GRK3: variants seen among roughly 807,000 people sequenced by gnomAD.
GRK3 encodes adrenergic, beta, receptor kinase 2.
GRK3 carries 54 observed loss-of-function variants against 95.7 expected under a neutral mutation model. The ratio of observed to expected loss-of-function variants is 0.56; its 90% CI spans 0.45 to 0.71. The LOEUF (loss-of-function observed/expected upper bound fraction) is 0.71. Among genes scored for constraint, GRK3 ranks in the 30% least tolerant of loss-of-function variants. GRK3 has a pLI of 0.00. For missense variants in GRK3, 649 were observed against 851.2 expected (o/e 0.76, Z 2.96); for synonymous variants, 281 against 290.8 (o/e 0.97, Z 0.34).
chr22:25,709,462 G>A (rs748435039), intron 15 of GRK3, among the ~76,000 whole-genome samples: 2 of 152,166 alleles, frequency 1.3e-5, no homozygotes, highest in Admixed American at 6.5e-5. Flanking sequence ...GAGTAAATGT[G>A]GTGCTTCACA....
chr22:25,657,014 G>A (rs911647574), intron 3 of GRK3, among the ~76,000 whole-genome samples: 1 of 152,174 alleles, frequency 6.6e-6, no homozygotes, highest in African/African-American at 2.4e-5. Context: ...GGCATGTTTG[G>A]GGAACTGAAA....
intron 2 of GRK3, among the ~76,000 whole-genome samples, chr22:25,610,346 A>T (rs1401323545): frequency 6.6e-6 from 1 of 152,144 alleles, no homozygotes; most frequent in East Asian, 1.9e-4. Flanking sequence ...GCATACCTGT[A>T]GTCCCAGCTA....
intron 1 of GRK3, among the ~76,000 whole-genome samples, chr22:25,570,047 T>G (rs1442252521): frequency 6.6e-6 from 1 of 152,218 alleles, no homozygotes; most frequent in East Asian, 1.9e-4. Context: ...CCCTCGCGTC[T>G]TATTTTGCAA....
chr22:25,720,314 T>G (rs2085421143), intron 19 of GRK3, among the ~76,000 whole-genome samples: 1 of 152,164 alleles, frequency 6.6e-6, no homozygotes, highest in Admixed American at 6.5e-5. Context: ...TGAGCAGATT[T>G]GTAAGTCTAA....
At position 25,729,200 on chromosome 22, in the gene GRK3, C is replaced by T. The variant is rs1210722093; in HGVS notation, c.*6750C>T. On this transcript the variant is annotated 3_prime_UTR_variant, in exon 21 of 21. Coordinates refer to ENST00000324198, the MANE Select transcript of GRK3 (RefSeq NM_005160.4). ...TGTGTGGGGCACACCACCGTCAGCA[C>T]CACCGTTTTTACAGTTACTTTGGAG... The T allele has an allele frequency of 6.6e-6, 1 of 152,228 alleles. No individual in the cohort carries two copies. Among genetic ancestry groups the T allele is most frequent in the Non-Finnish European group, 1.5e-5 (1 of 68,056 alleles). The allele number at this position is 152,228 out of a possible 1,614,324, so 9.4% of individuals were successfully genotyped here.
At chr22:25,696,177 G>T (rs2085207311) in intron 13 of GRK3, among the ~76,000 whole-genome samples, 1 of 151,830 alleles carries the variant, frequency 6.6e-6, no homozygotes, top group Admixed American at 6.6e-5. Context: ...GTGAGGTCTT[G>T]CCATGTTGCC....
At chr22:25,598,833 C>T (rs188315826) in intron 1 of GRK3, among the ~76,000 whole-genome samples, 6 of 152,064 alleles carry the variant, frequency 3.9e-5, no homozygotes, top group African/African-American at 1.4e-4. Context: ...CTGTTGTCAT[C>T]AACATGGTGC....
chr22:25,599,306 A>C (rs2071022494), intron 1 of GRK3, among the ~76,000 whole-genome samples: 1 of 152,184 alleles, frequency 6.6e-6, no homozygotes, highest in South Asian at 2.1e-4. Context: ...TGAAAATCAC[A>C]TATATGCCAG....
chr22:25,662,249 A>G (rs1296999450), intron 4 of GRK3, among the ~76,000 whole-genome samples: 3 of 152,256 alleles, frequency 2.0e-5, no homozygotes, highest in African/African-American at 4.8e-5. Context: ...TAATATCTCT[A>G]TATTAGGAAT....
At chr22:25,640,751 A>G (rs2084736940) in intron 2 of GRK3, among the ~76,000 whole-genome samples, 1 of 152,188 alleles carries the variant, frequency 6.6e-6, no homozygotes, top group Admixed American at 6.5e-5. Flanking sequence ...TTGAAAAATT[A>G]TCGTGATGGC....
At position 25,704,328 on chromosome 22, in the gene GRK3, G is replaced by GA. The variant is rs67945810; in HGVS notation, c.1328+126dup. 1.3e-5 allele frequency: 9 copies of GA among 681,008 alleles called. No homozygotes were observed. The African/African-American group carries it at 1.7e-4, about 13-fold the overall frequency. The allele number at this position is 681,008 out of a possible 1,614,324, so 42.2% of individuals were successfully genotyped here. Reference sequence around the variant, plus strand: ...AATCTTCCATTTTGACTTGAAAGGGGAAAAAAATAAATCACATGGGAAATA... The same window carrying GA: ...AATCTTCCATTTTGACTTGAAAGGGGAAAAAAAATAAATCACATGGGAAATA... On this transcript the variant is annotated intron_variant, in intron 15 of 20. Transcript: ENST00000324198.
Position 25,728,569 on chromosome 22 carries a change from A to G in GRK3, c.*6119A>G, listed in dbSNP as rs373907375. The G allele has an allele frequency of 6.6e-5, 10 of 152,334 alleles. No individual in the cohort carries two copies. The highest frequency in any genetic ancestry group is 2.4e-4 in the African/African-American group (10 of 41,574). The allele number at this position is 152,334 out of a possible 1,614,324, so 9.4% of individuals were successfully genotyped here. A position where few individuals can be genotyped will look rare whatever the true frequency, so the allele number is the denominator to read the frequency against. ...CCCCTTATTGTGCCAAATCCCCACCATCAGCCTTGCCATTGCCTTAAGATT... is the reference window on the plus strand; with the variant it reads ...CCCCTTATTGTGCCAAATCCCCACCGTCAGCCTTGCCATTGCCTTAAGATT... On this transcript the variant is annotated 3_prime_UTR_variant, in exon 21 of 21. Coordinates refer to ENST00000324198, the MANE Select transcript of GRK3 (RefSeq NM_005160.4).
At chr22:25,698,497 C>T (rs558793525) in intron 13 of GRK3, among the ~76,000 whole-genome samples, 12 of 152,134 alleles carry the variant, frequency 7.9e-5, no homozygotes, top group African/African-American at 2.7e-4. Context: ...GATGGTCTGT[C>T]GGGTAGGCTT....
chr22:25,656,653 A>G (rs1389048402), intron 3 of GRK3, among the ~76,000 whole-genome samples: 1 of 152,152 alleles, frequency 6.6e-6, no homozygotes, highest in Non-Finnish European at 1.5e-5. Flanking sequence ...TTAAACACCA[A>G]CATTATGCCA....
chr22:25,573,414 G>A (rs756026761), intron 1 of GRK3, among the ~76,000 whole-genome samples: 1 of 152,122 alleles, frequency 6.6e-6, no homozygotes, highest in South Asian at 2.1e-4. Context: ...AGTTTGCTTA[G>A]GGGATGAATA....
chr22:25,682,122 A>G (rs968194463), intron 9 of GRK3, among the ~76,000 whole-genome samples: 1 of 152,216 alleles, frequency 6.6e-6, no homozygotes, highest in African/African-American at 2.4e-5. Context: ...GACTTTAGTT[A>G]AAGCATTTAT....
At chr22:25,565,873 G>A (rs1931460486) in intron 1 of GRK3, among the ~76,000 whole-genome samples, 1 of 152,026 alleles carries the variant, frequency 6.6e-6, no homozygotes, top group South Asian at 2.1e-4. Context: ...AATTGAAACA[G>A]GAGTCACTTA....
chr22:25,617,474 G>A (rs538882262), intron 2 of GRK3, among the ~76,000 whole-genome samples: 34 of 152,070 alleles, frequency 2.2e-4, no homozygotes, highest in Admixed American at 1.6e-3. Flanking sequence ...TTTTTTTCTC[G>A]TTTACTAATA....
chr22:25,687,803 A>G, intron 11 of GRK3, 136 bp downstream of exon 11: 1 of 933,216 alleles, frequency 1.1e-6, no homozygotes, highest in Non-Finnish European at 1.6e-6. Flanking sequence ...CATTAGCTAT[A>G]TGACATTTTA....
Sources: gnomAD v4.1 joint callset for allele counts (sites outside exome capture counted in the v4.1 genomes callset) on GRCh38, gnomAD v4.1.1 for gene constraint, MANE v1.5 for transcripts, NCBI Gene and HGNC (gene_info 2026-07-23, HGNC 2026-07-21) for gene names.